The following TIAM1 variants were observed in gnomAD, a reference collection of about 807,000 sequenced individuals.
TIAM1 encodes the protein TIAM Rac1 associated GEF 1.
A neutral mutation model predicts 163.5 loss-of-function variants in TIAM1; 65 were observed. That is an observed-to-expected ratio of 0.40 (90% CI 0.33 to 0.49). The LOEUF is 0.49. TIAM1 is among the 20% of genes least tolerant of loss of function. The pLI, the probability that TIAM1 is intolerant of heterozygous loss-of-function variation, is 0.77. For synonymous variants in TIAM1, 833 were observed against 810.1 expected (o/e 1.03, Z -0.48); for missense variants, 1,789 against 2,044.7 (o/e 0.87, Z 2.41).
chr21:31,175,380 G>A (rs1601418100), intron 15 of TIAM1, among the ~76,000 whole-genome samples: 2 of 152,322 alleles, frequency 1.3e-5, no homozygotes, highest in South Asian at 4.1e-4. Context: ...TAAAGTGAAC[G>A]TGAACCCAAA....
In TIAM1 at chr21:31,141,119, T is replaced by G; in HGVS notation, c.3773A>C (p.Glu1258Ala). The change falls in exon 22 of 28, where the codon GAG (glutamate) becomes GCG (alanine). Residue 1258 changes from glutamate (E) to alanine (A), a missense_variant and splice_region_variant. By Grantham distance (107) the Glu-to-Ala change is moderately radical. Transcript: ENST00000541036. This position sits in a 1 kb window ranked among gnomAD's most constrained non-coding sequence, Gnocchi z 4.7. Reference sequence around the variant, plus strand: ...TCCTGAGAAGATGGGGACCCTCACCTCTTTTTTCTCACCAGTCTGTTCAGC... The same window carrying G: ...TCCTGAGAAGATGGGGACCCTCACCGCTTTTTTCTCACCAGTCTGTTCAGC... Reference protein sequence around the residue: ...LIAEQTGEKKEVADLSMGDLL... With the variant: ...LIAEQTGEKKAVADLSMGDLL... 1 of 1,611,768 alleles carries G rather than the reference T, an allele frequency of 6.2e-7. No individual in the cohort carries two copies. Among genetic ancestry groups the G allele is most frequent in the Non-Finnish European group, 8.5e-7 (1 of 1,178,636 alleles).
intron 2 of TIAM1, among the ~76,000 whole-genome samples, chr21:31,450,743 T>C (rs2044801880): frequency 6.6e-6 from 1 of 152,136 alleles, no homozygotes; most frequent in Non-Finnish European, 1.5e-5. Flanking sequence ...TGCCTTACAT[T>C]GGTGTCAGGC....
intron 3 of TIAM1, among the ~76,000 whole-genome samples, chr21:31,267,831 A>G (rs185004425): frequency 3.9e-5 from 6 of 152,324 alleles, no homozygotes; most frequent in Non-Finnish European, 7.3e-5. Context: ...TTAATCTGGT[A>G]CAGCATGCCC....
At position 31,119,491 on chromosome 21, in the gene TIAM1, T is replaced by C. The variant is rs1601142274; in HGVS notation, c.*877A>G. On this transcript the variant is annotated 3_prime_UTR_variant, in exon 28 of 28. Transcript: ENST00000541036. Reference sequence around the variant, plus strand: ...ACATTAAAAAAAAAAAATCCGCTTTTTGGAAGAAAAGTATATCCTTCGCAT... The same window carrying C: ...ACATTAAAAAAAAAAAATCCGCTTTCTGGAAGAAAAGTATATCCTTCGCAT... 3 of 152,708 alleles carry C rather than the reference T, an allele frequency of 2.0e-5. No homozygotes were observed. The East Asian group carries it at 5.8e-4, about 29-fold the overall frequency. The allele number at this position is 152,708 out of a possible 1,614,324, so 9.5% of individuals were successfully genotyped here.
At chr21:31,411,471 CT>C (rs11362012) in intron 2 of TIAM1, among the ~76,000 whole-genome samples, 56,816 of 102,486 alleles carry the variant, frequency 0.55, 13,606 homozygotes, top group East Asian at 0.63. Flanking sequence ...TCCCAAGAAA[CT>C]TTTTTTTTTT....
chr21:31,144,243 C>T (rs2146285995), intron 20 of TIAM1, among the ~76,000 whole-genome samples: 1 of 152,294 alleles, frequency 6.6e-6, no homozygotes, highest in East Asian at 1.9e-4. Context: ...GGGCTGGGGG[C>T]CAGCATATGT....
At chr21:31,451,716 TGC>T (rs758516307) in intron 2 of TIAM1, among the ~76,000 whole-genome samples, 6,061 of 41,970 alleles carry the variant, frequency 0.14, 453 homozygotes, top group East Asian at 0.41. Flanking sequence ...AGCATGTGTG[TGC>T]GTGTGTGTGT....
intron 2 of TIAM1, among the ~76,000 whole-genome samples, chr21:31,285,609 C>T (rs2073773809): frequency 6.6e-6 from 1 of 152,148 alleles, no homozygotes; most frequent in Admixed American, 6.5e-5. Context: ...TCTGTAATCC[C>T]AGCACTTTGG....
rs146568635 is a variant in TIAM1, at chr21:31,189,938, C to A, written c.2576-2851G>T. On this transcript the variant is annotated intron_variant, in intron 13 of 27. Transcript: ENST00000541036. The stretch of plus-strand genomic sequence containing the variant: ...AGGACAGCAATGTTCTAACTCTCAG[C>A]AGACAACTCTAATATCGTCCAAAAT... Among the ~76,000 whole-genome samples the A allele has an allele frequency of 3.4e-4, 52 of 152,262 alleles. No homozygotes were observed. In the East Asian group the frequency reaches 8.9e-3, roughly 26 times the overall value.
intron 2 of TIAM1, among the ~76,000 whole-genome samples, chr21:31,413,199 CCTTACTCCTGG>C (rs2043259832): frequency 6.6e-6 from 1 of 152,032 alleles, no homozygotes; most frequent in Non-Finnish European, 1.5e-5. Context: ...TTTGTATCTC[CCTTACTCCTGG>C]CTTGTGCATG....
intron 8 of TIAM1, among the ~76,000 whole-genome samples, chr21:31,222,025 GT>G (rs1233117539): frequency 5.9e-5 from 9 of 152,218 alleles, no homozygotes; most frequent in African/African-American, 1.9e-4. Flanking sequence ...GAGCTGAGCT[GT>G]AATTAGCAGA....
chr21:31,537,575 A>C (rs368425173), intron 1 of TIAM1, among the ~76,000 whole-genome samples: 3 of 151,990 alleles, frequency 2.0e-5, no homozygotes, highest in African/African-American at 7.2e-5. Flanking sequence ...AACATGATGA[A>C]ACCCTGTCTC....
intron 2 of TIAM1, among the ~76,000 whole-genome samples, chr21:31,393,851 G>T (rs546385777): frequency 1.3e-3 from 194 of 152,228 alleles, no homozygotes; most frequent in African/African-American, 4.6e-3. Flanking sequence ...ATTTCCAGGA[G>T]AGTTCCAATT....
intron 2 of TIAM1, among the ~76,000 whole-genome samples, chr21:31,351,016 T>C (rs2076225250): frequency 6.6e-6 from 1 of 152,238 alleles, no homozygotes; most frequent in African/African-American, 2.4e-5. Context: ...ACTTGTCTTG[T>C]GTTCCCTTCC....
intron 1 of TIAM1, among the ~76,000 whole-genome samples, chr21:31,535,838 T>C (rs1807607577): frequency 6.6e-6 from 1 of 152,152 alleles, no homozygotes; most frequent in Non-Finnish European, 1.5e-5. Context: ...AACTCATCAC[T>C]TGCTCTTTTC....
rs757709364 is a variant in TIAM1 at position 31,540,858 on chromosome 21, GAGAA to G, written c.-422+18065_-422+18068del. 2.4e-4 allele frequency among the ~76,000 whole-genome samples: 36 copies of G among 152,240 alleles called. No individual in the cohort carries two copies. In the Middle Eastern group the frequency reaches 0.01, roughly 43 times the overall value. On this transcript the variant is annotated intron_variant, in intron 1 of 28. Transcript: ENST00000286827. ...AGTCTACCTGAAAAGTAAAGAAATG[GAGAA>G]AGAGAGAGAGCCGGAGATATTGTTC... is the stretch of plus-strand genomic sequence containing the variant.
intron 23 of TIAM1, among the ~76,000 whole-genome samples, chr21:31,131,808 C>G (rs993283386): frequency 6.6e-6 from 1 of 152,274 alleles, no homozygotes; most frequent in African/African-American, 2.4e-5. Flanking sequence ...GAGAAGTGAT[C>G]AGGCCCTGAG....
chr21:31,505,032 A>G (rs1211928277), intron 1 of TIAM1, among the ~76,000 whole-genome samples: 2 of 152,182 alleles, frequency 1.3e-5, no homozygotes, highest in African/African-American at 4.8e-5. Context: ...CAAAAATAAA[A>G]AGATACAATC....
At chr21:31,337,512 ATTG>A (rs1251943067) in intron 2 of TIAM1, among the ~76,000 whole-genome samples, 3 of 131,648 alleles carry the variant, frequency 2.3e-5, no homozygotes, top group Non-Finnish European at 4.7e-5. Context: ...TATTATTATT[ATTG>A]TTGTTATTAT....
Sources: allele counts gnomAD v4.1 joint callset (sites outside exome capture counted in the v4.1 genomes callset), GRCh38; gene constraint gnomAD v4.1.1; non-coding constraint Gnocchi (gnomAD v3.1); transcripts MANE v1.5; gene names NCBI Gene and HGNC (gene_info 2026-07-23, HGNC 2026-07-21).